The following NNMT variants were observed in gnomAD, a reference collection of about 807,000 sequenced individuals.
NNMT encodes the protein nicotinamide N-methyltransferase.
In NNMT, 10 loss-of-function variants were observed where a neutral mutation model predicts 11.7. The ratio of observed to expected loss-of-function variants is 0.85; its 90% confidence interval spans 0.53 to 1.45. The LOEUF (loss-of-function observed/expected upper bound fraction) is 1.45, where lower values mean the gene tolerates loss of function less well. Among genes scored for constraint, NNMT ranks in the 40% most tolerant of loss-of-function variants. The probability of loss-of-function intolerance (pLI) is 0.00; values close to 1 mark genes in which losing one functional copy is unlikely to be tolerated. For synonymous variants in NNMT, 143 were observed against 133.8 expected (o/e 1.07, Z -0.48); for missense variants, 381 against 319.4 (o/e 1.19, Z -1.47).
upstream of NNMT, among the ~76,000 whole-genome samples, chr11:114,291,804 C>G (rs1010423137): frequency 1.3e-5 from 2 of 152,120 alleles, no homozygotes; most frequent in Non-Finnish European, 2.9e-5. Flanking sequence ...ACTCCAGAGT[C>G]CACCTTTACT....
intron 2 of NNMT, among the ~76,000 whole-genome samples, chr11:114,287,151 G>A (rs959706141): frequency 6.6e-6 from 1 of 152,090 alleles, no homozygotes; most frequent in African/African-American, 2.4e-5. Flanking sequence ...ATTCTTGCTT[G>A]TCAGTTTCAT....
chr11:114,285,501 A>T (rs749747978), intron 2 of NNMT, among the ~76,000 whole-genome samples: 1 of 152,174 alleles, frequency 6.6e-6, no homozygotes, highest in Non-Finnish European at 1.5e-5. Flanking sequence ...TCAGCTCTGG[A>T]CTCACCATAT....
At chr11:114,311,495 G>C (rs1217185705) in intron 2 of NNMT, among the ~76,000 whole-genome samples, 1 of 152,196 alleles carries the variant, frequency 6.6e-6, no homozygotes, top group Non-Finnish European at 1.5e-5. Flanking sequence ...CTCTCCAGGA[G>C]TGCCCTGTTC....
chr11:114,267,166 G>A (rs1008392574), intron 2 of NNMT, among the ~76,000 whole-genome samples: 8 of 152,164 alleles, frequency 5.3e-5, no homozygotes, highest in Non-Finnish European at 7.3e-5. Flanking sequence ...TCAGGAGGCT[G>A]AGGCAAGAGA....
At chr11:114,264,669 A>G (rs1178440260) in intron 2 of NNMT, among the ~76,000 whole-genome samples, 1 of 152,208 alleles carries the variant, frequency 6.6e-6, no homozygotes, top group Non-Finnish European at 1.5e-5. Context: ...TCCAATGCCA[A>G]TCACAAGCTC....
At chr11:114,279,693 G>T (rs1280761423) in intron 2 of NNMT, among the ~76,000 whole-genome samples, 2 of 152,212 alleles carry the variant, frequency 1.3e-5, no homozygotes, top group East Asian at 3.8e-4. Context: ...CTCAGGCGTG[G>T]CTCTAGGAGC....
chr11:114,294,822 G>T (rs1008711110), upstream of NNMT, among the ~76,000 whole-genome samples: 10 of 152,194 alleles, frequency 6.6e-5, no homozygotes, highest in African/African-American at 2.4e-4. Context: ...CAAGTGCCTG[G>T]CTGGGTAGAA....
chr11:114,302,573 C>T (rs1332709821), intron 2 of NNMT, among the ~76,000 whole-genome samples: 3 of 151,928 alleles, frequency 2.0e-5, no homozygotes, highest in South Asian at 4.2e-4. Flanking sequence ...TTTTTATTGT[C>T]TTATTTTTAA....
chr11:114,300,082 CTTTA>C (rs1248824985), intron 2 of NNMT, among the ~76,000 whole-genome samples: 1 of 149,346 alleles, frequency 6.7e-6, no homozygotes, highest in Non-Finnish European at 1.5e-5. Context: ...TTCTAGTTTA[CTTTA>C]TTTTTTTCTA....
upstream of NNMT, among the ~76,000 whole-genome samples, chr11:114,295,358 A>T (rs1358348954): frequency 6.6e-6 from 1 of 151,870 alleles, no homozygotes; most frequent in Non-Finnish European, 1.5e-5. Context: ...GAGTGAGCTG[A>T]AGCCAAGCCC....
intron 2 of NNMT, among the ~76,000 whole-genome samples, chr11:114,268,148 C>A (rs1033714229): frequency 6.6e-6 from 1 of 152,168 alleles, no homozygotes; most frequent in Non-Finnish European, 1.5e-5. Context: ...GTTAACCCAG[C>A]TTTAGGCCAG....
chr11:114,282,191 T>C (rs1258656887), intron 2 of NNMT, among the ~76,000 whole-genome samples: 2 of 152,078 alleles, frequency 1.3e-5, no homozygotes, highest in Non-Finnish European at 2.9e-5. Context: ...ACCACTGCAC[T>C]CCAGCCTGGG....
intron 2 of NNMT, among the ~76,000 whole-genome samples, chr11:114,266,202 G>A (rs912296790): frequency 2.6e-5 from 4 of 152,056 alleles, no homozygotes; most frequent in East Asian, 1.9e-4. Flanking sequence ...CAATCAACAC[G>A]TACTAATATT....
At chr11:114,275,938 G>A (rs1945210033) in intron 2 of NNMT, among the ~76,000 whole-genome samples, 2 of 152,112 alleles carry the variant, frequency 1.3e-5, no homozygotes, top group South Asian at 2.1e-4. Flanking sequence ...GACCCAGCTG[G>A]CCACTCTTTC....
chr11:114,278,314 T>A (rs745537097), intron 2 of NNMT, among the ~76,000 whole-genome samples: 1 of 152,146 alleles, frequency 6.6e-6, no homozygotes, highest in Non-Finnish European at 1.5e-5. Flanking sequence ...ACTGTGAGGA[T>A]GGCACTAAGC....
At position 114,277,534 on chromosome 11, in the gene NNMT, G is replaced by A. The variant is rs555606673; in HGVS notation, c.-130+14600G>A. ...GGAAGTAGCAGCACATTGGTGAGAT[G>A]TAAAGGATATTTGAGGGTAAGCCAC... On this transcript the variant is annotated intron_variant, in intron 2 of 4. Transcript: ENST00000535401. 2.0e-5 allele frequency among the ~76,000 whole-genome samples: 3 copies of A among 152,318 alleles called. No homozygotes were observed. In the South Asian group the frequency reaches 6.2e-4, roughly 32 times the overall value.
intron 2 of NNMT, among the ~76,000 whole-genome samples, chr11:114,263,654 T>G (rs1188654843): frequency 6.6e-6 from 1 of 152,160 alleles, no homozygotes; most frequent in African/African-American, 2.4e-5. Context: ...GCTCGCTCCC[T>G]CCCCTGTATG....
upstream of NNMT, among the ~76,000 whole-genome samples, chr11:114,292,507 G>T (rs1477633853): frequency 6.6e-6 from 1 of 152,106 alleles, no homozygotes; most frequent in Non-Finnish European, 1.5e-5. Flanking sequence ...TTCTCATGAG[G>T]TCATAGCCTG....
chr11:114,277,188 A>C (rs1945220111), intron 2 of NNMT, among the ~76,000 whole-genome samples: 1 of 152,176 alleles, frequency 6.6e-6, no homozygotes. Context: ...TTGCCACTGC[A>C]CTCCAGCCTG....
Sources: allele counts gnomAD v4.1 joint callset (sites outside exome capture counted in the v4.1 genomes callset), GRCh38; gene constraint gnomAD v4.1.1; transcripts MANE v1.5; gene names NCBI Gene and HGNC (gene_info 2026-07-23, HGNC 2026-07-21).